UBE2K: variants seen among roughly 807,000 people sequenced by gnomAD.
UBE2K encodes ubiquitin-conjugating enzyme E2 K.
A neutral mutation model predicts 30.0 loss-of-function variants in UBE2K; 6 were observed. The ratio of observed to expected loss-of-function variants is 0.20; its 90% CI spans 0.11 to 0.39. The LOEUF is 0.39. Ranked by LOEUF, UBE2K falls within the 10% of genes least tolerant of loss-of-function variation. The pLI, the probability that UBE2K is intolerant of heterozygous loss-of-function variation, is 1.00. For missense variants in UBE2K, 61 were observed against 241.6 expected (o/e 0.25, Z 4.96); for synonymous variants, 86 against 83.7 (o/e 1.03, Z -0.15).
At chr4:39,770,107 C>T in intron 4 of UBE2K, 6 of 1,576,074 alleles carry the variant, frequency 3.8e-6, no homozygotes, top group Non-Finnish European at 5.2e-6. Context: ...TTAATCTCGG[C>T]CACACTGGTC....
At chr4:39,769,974 C>CT (rs1296073986) in intron 4 of UBE2K, 1 of 807,144 alleles carries the variant, frequency 1.2e-6, no homozygotes, top group East Asian at 2.6e-5. Context: ...GCCTCCCACT[C>CT]TTACCTTTCT....
At chr4:39,713,171 C>T (rs1316516796) in intron 1 of UBE2K, among the ~76,000 whole-genome samples, 2 of 149,794 alleles carry the variant, frequency 1.3e-5, no homozygotes, top group African/African-American at 4.9e-5. Flanking sequence ...GCCATGTTTA[C>T]ATTCTTTAAC....
intron 3 of UBE2K, among the ~76,000 whole-genome samples, chr4:39,755,354 TTATTCTCTGTTG>T (rs1164145628): frequency 1.3e-5 from 2 of 152,226 alleles, no homozygotes; most frequent in Non-Finnish European, 2.9e-5. Flanking sequence ...AAAATGGATT[TTATTCTCTGTTG>T]TATTCTCATA....
intron 1 of UBE2K, among the ~76,000 whole-genome samples, chr4:39,726,877 G>A (rs1249149307): frequency 1.3e-5 from 2 of 152,156 alleles, no homozygotes; most frequent in Non-Finnish European, 2.9e-5. Context: ...GATTACCAGC[G>A]TGAGCCAATG....
rs886645610 is a variant in UBE2K, at chr4:39,774,885, G to A, written c.351G>A (p.Leu117=). ...TATTATTGTCATTGCAAGCACTATT[G>A]GCAGCTGCAGAGCCAGATGATCCAC... is the stretch of plus-strand genomic sequence containing the variant. ...RTVLLSLQAL[L]AAAEPDDPQD... is the part of the protein sequence containing the mutation. Residue 117 remains leucine (L), a synonymous_variant, in exon 5 of 7, where the codon TTG becomes TTA. Coordinates refer to ENST00000261427, the MANE Select transcript of UBE2K (RefSeq NM_005339.5). 6.2e-7 allele frequency: 1 copy of A among 1,605,898 alleles called. No individual in the cohort carries two copies. Among genetic ancestry groups the A allele is most frequent in the African/African-American group, 1.3e-5 (1 of 74,756 alleles).
intron 2 of UBE2K, among the ~76,000 whole-genome samples, chr4:39,743,102 A>C (rs1422112842): frequency 6.6e-6 from 1 of 151,944 alleles, no homozygotes; most frequent in Non-Finnish European, 1.5e-5. Context: ...AAATAGTACC[A>C]CTTTTATTTT....
At chr4:39,772,397 C>CAAA (rs34937270) in intron 4 of UBE2K, among the ~76,000 whole-genome samples, 20,219 of 126,826 alleles carry the variant, frequency 0.16, 3,011 homozygotes, top group African/African-American at 0.41. Context: ...CTGTCTCTAC[C>CAAA]AAAAAAAAAA....
intron 1 of UBE2K, among the ~76,000 whole-genome samples, chr4:39,726,168 G>A (rs1163838538): frequency 6.6e-6 from 1 of 151,854 alleles, no homozygotes; most frequent in African/African-American, 2.4e-5. Context: ...GTCTTTATGT[G>A]GCATCCTCCC....
chr4:39,755,481 C>T (rs1721478549), intron 3 of UBE2K, among the ~76,000 whole-genome samples, 176 bp from the exon 4 acceptor site: 1 of 152,202 alleles, frequency 6.6e-6, no homozygotes, highest in African/African-American at 2.4e-5. Context: ...ATGTTAGTGA[C>T]AACATTCAGC....
intron 4 of UBE2K, among the ~76,000 whole-genome samples, chr4:39,760,209 A>G (rs1255959483): frequency 1.3e-5 from 2 of 150,828 alleles, no homozygotes; most frequent in African/African-American, 4.9e-5. Context: ...AAAAAAAAAA[A>G]ACAAATAATG....
Position 39,703,496 on chromosome 4 carries a change from G to T in UBE2K, c.63+5106G>T, listed in dbSNP as rs141632702. Among the ~76,000 whole-genome samples the T allele has an allele frequency of 5.6e-4, 85 of 152,150 alleles. 1 individual carries two copies. The highest frequency in any genetic ancestry group is 2.0e-3 in the African/African-American group (81 of 41,528). On this transcript the variant is annotated intron_variant, in intron 1 of 6. Coordinates refer to ENST00000261427, the MANE Select transcript of UBE2K (RefSeq NM_005339.5). ...TGACCGCACTTTAGCCTGGGCATCA[G>T]CGAGACCCTGTCTCATAAATGAAAA...
At chr4:39,710,481 C>T (rs1488692770) in intron 1 of UBE2K, among the ~76,000 whole-genome samples, 4 of 151,832 alleles carry the variant, frequency 2.6e-5, no homozygotes, top group African/African-American at 9.7e-5. Context: ...ATTGCCCAAG[C>T]TGGTGTCAGA....
intron 6 of UBE2K, among the ~76,000 whole-genome samples, chr4:39,778,097 CAAAAAAAA>C (rs36215155): frequency 1.1e-3 from 57 of 51,760 alleles, no homozygotes; most frequent in African/African-American, 3.2e-3. Context: ...GACCCTGTCT[CAAAAAAAA>C]AAAAAAAAAA....
At chr4:39,699,380 T>C (rs1717883009) in intron 1 of UBE2K, among the ~76,000 whole-genome samples, 1 of 152,196 alleles carries the variant, frequency 6.6e-6, no homozygotes. Context: ...TTCATCTCCT[T>C]ATTGAGATTT....
At position 39,780,659 on chromosome 4, in the gene UBE2K, T is replaced by A. The variant is rs1325231274; in HGVS notation, c.*2225T>A. 1 of 152,164 alleles carries A rather than the reference T, an allele frequency of 6.6e-6. No homozygotes were observed. The highest frequency in any genetic ancestry group is 2.4e-5 in the African/African-American group (1 of 41,450). The allele number at this position is 152,164 out of a possible 1,614,324, so 9.4% of individuals were successfully genotyped here. On this transcript the variant is annotated 3_prime_UTR_variant, in exon 7 of 7. Transcript: ENST00000261427. The stretch of plus-strand genomic sequence containing the variant: ...TAAAAGATTCTTTATTATAAAAATT[T>A]ACCTCATTTACATTTAATGTGATGA...
chr4:39,746,495 C>CA (rs1720997459), intron 3 of UBE2K, among the ~76,000 whole-genome samples: 1 of 152,180 alleles, frequency 6.6e-6, no homozygotes, highest in Non-Finnish European at 1.5e-5. Flanking sequence ...CATTTCTACT[C>CA]ATTCTCTGCA....
chr4:39,721,738 T>C (rs1719430400), intron 1 of UBE2K, among the ~76,000 whole-genome samples: 1 of 152,192 alleles, frequency 6.6e-6, no homozygotes, highest in Non-Finnish European at 1.5e-5. Context: ...GCTAAGATCA[T>C]GTTGCTCTCA....
chr4:39,714,542 A>ATT (rs1275060030), intron 1 of UBE2K: 6 of 20,196 alleles, frequency 3.0e-4, no homozygotes, highest in African/African-American at 1.7e-3. Flanking sequence ...ATATATATAT[A>ATT]TATATATATT....
chr4:39,702,807 A>G (rs1718110604), intron 1 of UBE2K, among the ~76,000 whole-genome samples: 1 of 150,392 alleles, frequency 6.6e-6, no homozygotes, highest in African/African-American at 2.4e-5. Flanking sequence ...CACTACTGAC[A>G]TTTTGGGCAG....
Sources: allele counts gnomAD v4.1 joint callset (sites outside exome capture counted in the v4.1 genomes callset), GRCh38; gene constraint gnomAD v4.1.1; transcripts MANE v1.5; gene names NCBI Gene and HGNC (gene_info 2026-07-23, HGNC 2026-07-21).